The following FAR2 variants were observed in gnomAD, a reference collection of about 807,000 sequenced individuals.
FAR2 encodes the protein fatty acyl-CoA reductase 2, also known as epididymis secretory protein Li 81.
A neutral mutation model predicts 56.0 loss-of-function variants in FAR2; 19 were observed. That is an observed-to-expected ratio of 0.34 (90% CI 0.24 to 0.50). The LOEUF (loss-of-function observed/expected upper bound fraction) is 0.50, where lower values mean the gene tolerates loss of function less well. FAR2 is among the 20% of genes least tolerant of loss of function. The probability of loss-of-function intolerance (pLI) is 0.98; values close to 1 mark genes in which losing one functional copy is unlikely to be tolerated. For synonymous variants in FAR2, 219 were observed against 218.8 expected (o/e 1.00, Z -0.01); for missense variants, 508 against 642.2 (o/e 0.79, Z 2.26).
intron 1 of FAR2, among the ~76,000 whole-genome samples, chr12:29,262,724 G>A (rs1440152346): frequency 3.3e-5 from 5 of 152,070 alleles, no homozygotes; most frequent in Admixed American, 6.6e-5. Flanking sequence ...AAGACAGGAA[G>A]GAAGGAAGGA....
chr12:29,158,180 T>C (rs1184128897), intron 1 of FAR2, among the ~76,000 whole-genome samples: 1 of 152,186 alleles, frequency 6.6e-6, no homozygotes, highest in Admixed American at 6.5e-5. Flanking sequence ...TAAATAATAA[T>C]AAGTAAAAAA....
chr12:29,317,112 C>G (rs1173965187), intron 9 of FAR2, 100 bp downstream of exon 9: 6 of 1,280,180 alleles, frequency 4.7e-6, no homozygotes, highest in Admixed American at 4.6e-5. Context: ...AAGGAGACAA[C>G]TGAATCTTAC....
chr12:29,178,401 C>A (rs1392932924), intron 1 of FAR2, among the ~76,000 whole-genome samples: 1 of 152,088 alleles, frequency 6.6e-6, no homozygotes, highest in African/African-American at 2.4e-5. Context: ...GGAGACTAGC[C>A]TGGGTAACAT....
At chr12:29,323,460 C>G (rs572670648) in intron 10 of FAR2, among the ~76,000 whole-genome samples, 16 of 152,172 alleles carry the variant, frequency 1.1e-4, no homozygotes, top group Admixed American at 2.6e-4. Flanking sequence ...TCAAGTGGGT[C>G]CCTGACCCCC....
At chr12:29,202,598 G>A (rs573134235) in intron 1 of FAR2, among the ~76,000 whole-genome samples, 1 of 152,290 alleles carries the variant, frequency 6.6e-6, no homozygotes, top group South Asian at 2.1e-4. Context: ...CTGGTAAGAG[G>A]TGTTTGGGTC....
intron 2 of FAR2, among the ~76,000 whole-genome samples, chr12:29,272,859 G>A (rs893358306): frequency 3.3e-5 from 5 of 151,990 alleles, no homozygotes; most frequent in Non-Finnish European, 5.9e-5. Flanking sequence ...TGTTGTTGTC[G>A]CTTTCTGCTT....
chr12:29,279,062 T>C (rs1202599379), intron 2 of FAR2, among the ~76,000 whole-genome samples: 1 of 152,242 alleles, frequency 6.6e-6, no homozygotes, highest in Non-Finnish European at 1.5e-5. Flanking sequence ...AAATTCTACT[T>C]TGCCTTTGTA....
At chr12:29,297,242 A>T in intron 4 of FAR2, 42 bp downstream of exon 4, 1 of 1,543,546 alleles carries the variant, frequency 6.5e-7, no homozygotes. Flanking sequence ...GGGTAGAATA[A>T]GTTCCTTTGT....
intron 1 of FAR2, among the ~76,000 whole-genome samples, chr12:29,162,236 A>G (rs933797006): frequency 5.3e-5 from 8 of 152,208 alleles, no homozygotes; most frequent in East Asian, 3.8e-4. Flanking sequence ...AAGTTATACT[A>G]TCCATCTGAA....
intron 1 of FAR2, among the ~76,000 whole-genome samples, chr12:29,184,546 TGCCTCAACCTCCC>T (rs966998213): frequency 5.4e-5 from 8 of 147,230 alleles, no homozygotes; most frequent in Admixed American, 4.8e-4. Flanking sequence ...ATGATTCTCC[TGCCTCAACCTCCC>T]GAGTAGCTGG....
At chr12:29,280,883 A>T (rs541574429) in intron 2 of FAR2, 3 of 152,250 alleles carry the variant, frequency 2.0e-5, no homozygotes, top group African/African-American at 7.2e-5. Flanking sequence ...TCTAACCACA[A>T]GGATGGCTGG....
At chr12:29,241,262 T>C (rs1308814125) in intron 1 of FAR2, among the ~76,000 whole-genome samples, 1 of 152,248 alleles carries the variant, frequency 6.6e-6, no homozygotes, top group Non-Finnish European at 1.5e-5. Flanking sequence ...AAAATGTGTA[T>C]GTATACATGT....
At chr12:29,175,199 G>T (rs754852460) in intron 1 of FAR2, among the ~76,000 whole-genome samples, 31 of 152,216 alleles carry the variant, frequency 2.0e-4, no homozygotes, top group Non-Finnish European at 3.7e-4. Context: ...ATAGCTGATT[G>T]CCCCATCTGG....
intron 1 of FAR2, among the ~76,000 whole-genome samples, chr12:29,249,380 A>G (rs10843361): frequency 0.39 from 59,116 of 152,100 alleles, 11,748 homozygotes; most frequent in African/African-American, 0.47. Context: ...ATGCTATTCT[A>G]TTATCTGTGC....
intron 3 of FAR2, among the ~76,000 whole-genome samples, chr12:29,295,314 T>C (rs1591939431): frequency 6.6e-6 from 1 of 152,180 alleles, no homozygotes; most frequent in Non-Finnish European, 1.5e-5. Flanking sequence ...CCTCAGGTGA[T>C]CCGCCCGCCT....
intron 1 of FAR2, among the ~76,000 whole-genome samples, chr12:29,197,946 C>T (rs1950156166): frequency 1.3e-5 from 2 of 152,120 alleles, no homozygotes; most frequent in African/African-American, 2.4e-5. Flanking sequence ...GAACATAGAG[C>T]AAATGATCAA....
intron 1 of FAR2, among the ~76,000 whole-genome samples, chr12:29,243,784 GCTCTAGTAAGT>G (rs1339196847): frequency 6.6e-6 from 1 of 152,108 alleles, no homozygotes; most frequent in African/African-American, 2.4e-5. Context: ...AAACTCCAGG[GCTCTAGTAAGT>G]CTTTAACATC....
chr12:29,213,209 G>T (rs189351316), intron 1 of FAR2, among the ~76,000 whole-genome samples: 81 of 151,924 alleles, frequency 5.3e-4, no homozygotes, highest in African/African-American at 1.9e-3. Context: ...CTTAGCATGT[G>T]TTTTATTGTA....
intron 1 of FAR2, among the ~76,000 whole-genome samples, chr12:29,160,330 C>T (rs1404548250): frequency 2.6e-5 from 4 of 152,168 alleles, no homozygotes; most frequent in African/African-American, 9.7e-5. Flanking sequence ...TTATGTCATT[C>T]CCCTGCATAA....
Sources: allele counts gnomAD v4.1 joint callset (sites outside exome capture counted in the v4.1 genomes callset), GRCh38; gene constraint gnomAD v4.1.1; transcripts MANE v1.5; gene names NCBI Gene and HGNC (gene_info 2026-07-23, HGNC 2026-07-21).